Variants in ITGAM observed in about 807,000 individuals in gnomAD.
ITGAM encodes integrin alpha-M.
A neutral mutation model predicts 137.5 loss-of-function variants in ITGAM; 79 were observed. That is an observed-to-expected ratio of 0.57 (90% confidence interval 0.48 to 0.69). The LOEUF (loss-of-function observed/expected upper bound fraction) is 0.69. Ranked by LOEUF, ITGAM falls within the 30% of genes least tolerant of loss-of-function variation. The pLI, the probability that ITGAM is intolerant of heterozygous loss-of-function variation, is 0.00. For synonymous variants in ITGAM, 583 were observed against 592.3 expected (o/e 0.98, Z 0.23); for missense variants, 1,343 against 1,483.5 (o/e 0.91, Z 1.56).
At position 31,290,001 on chromosome 16, in the gene ITGAM, A is replaced by C. The variant is rs2080070479; in HGVS notation, c.1357-7513A>C. ...GAGGCTGAGGCAGGAGAATCGCTTGAATCTGGGAGGCAGAGGTTATGGTGA... is the reference window on the plus strand; with the variant it reads ...GAGGCTGAGGCAGGAGAATCGCTTGCATCTGGGAGGCAGAGGTTATGGTGA... On this transcript the variant is annotated intron_variant, in intron 12 of 29. Coordinates refer to ENST00000544665, the MANE Select transcript of ITGAM (RefSeq NM_000632.4). Among the ~76,000 whole-genome samples, 6 of 151,272 alleles carry C rather than the reference A, an allele frequency of 4.0e-5. 1 individual carries two copies. In the South Asian group the frequency reaches 1.3e-3, roughly 32 times the overall value.
At chr16:31,291,021 C>T (rs934456655) in intron 12 of ITGAM, among the ~76,000 whole-genome samples, 10 of 152,008 alleles carry the variant, frequency 6.6e-5, no homozygotes, top group South Asian at 2.1e-4. Flanking sequence ...GAATCATGTA[C>T]GGTAACTTTA....
In ITGAM at chr16:31,276,550, T is replaced by C. The variant is rs1383480107; in HGVS notation, c.1010-121T>C. On this transcript the variant is annotated intron_variant, in intron 9 of 29. Transcript: ENST00000544665. ...TTTCACCATGTTCACCAGACTGGTC[T>C]CTAACTCCTGACCTCAAGTGATCTG... The C allele has an allele frequency of 1.3e-5, 9 of 681,532 alleles. No homozygotes were observed. The East Asian group carries it at 2.5e-4, about 19-fold the overall frequency. 42.2% of individuals were successfully genotyped at this position (681,532 alleles called of 1,614,324 possible). A position where few individuals can be genotyped will look rare whatever the true frequency, so the allele number is the denominator to read the frequency against.
rs1471915972 is a variant in ITGAM, at chr16:31,324,116, AGAAGGGAAG to A, written c.2003-277_2003-269del. Among the ~76,000 whole-genome samples the A allele has an allele frequency of 6.6e-6, 1 of 150,880 alleles. No individual in the cohort carries two copies. Among genetic ancestry groups the A allele is most frequent in the African/African-American group, 2.4e-5 (1 of 41,030 alleles). On this transcript the variant is annotated intron_variant, in intron 16 of 29. Transcript: ENST00000544665. This position sits in a 1 kb window ranked among gnomAD's most constrained non-coding sequence, Gnocchi z 4.5. ...GGAAAGGAAGAAAAGGAAGGAAGGA[AGAAGGGAAG>A]GAAGGAAAGGAAGGAAAGTAGGAAA... is the stretch of plus-strand genomic sequence containing the variant.
At chr16:31,265,372 T>C (rs778643235) in intron 2 of ITGAM, 23 bp from the exon 3 acceptor site, 2 of 1,453,916 alleles carry the variant, frequency 1.4e-6, no homozygotes, top group East Asian at 2.5e-5. Context: ...CGAAGTTTTC[T>C]CTGTTCCCAC....
chr16:31,316,280 C>T (rs370608660), intron 14 of ITGAM, among the ~76,000 whole-genome samples: 116 of 143,390 alleles, frequency 8.1e-4, no homozygotes, highest in African/African-American at 2.9e-3. Flanking sequence ...TCCAGCTACT[C>T]GGGAGGCTGA....
intron 14 of ITGAM, among the ~76,000 whole-genome samples, chr16:31,314,277 T>C (rs997501702): frequency 1.3e-5 from 2 of 152,168 alleles, no homozygotes; most frequent in Non-Finnish European, 2.9e-5. Context: ...CAATTGCTTT[T>C]GGTGTTTTAG....
chr16:31,272,911 T>G (rs1013364948), intron 7 of ITGAM, among the ~76,000 whole-genome samples: 1 of 152,102 alleles, frequency 6.6e-6, no homozygotes, highest in South Asian at 2.1e-4. Context: ...CAGTTGCATC[T>G]CAGTGCTAAG....
intron 14 of ITGAM, among the ~76,000 whole-genome samples, chr16:31,309,580 C>T (rs9928397): frequency 0.17 from 26,223 of 151,466 alleles, 2,807 homozygotes; most frequent in African/African-American, 0.3. Context: ...GAATACAGCA[C>T]ACTGATGGGT....
Position 31,324,914 on chromosome 16 carries a change from GTTA to G in ITGAM, c.2290-41_2290-39del. 1.9e-6 allele frequency: 3 copies of G among 1,563,376 alleles called. No individual in the cohort carries two copies. Among genetic ancestry groups the G allele is most frequent in the Non-Finnish European group, 1.7e-6 (2 of 1,149,758 alleles). ...TTATTGTTTAATTTCACAATACTTG[GTTA>G]TTTTCTTTCCTTTCATTTGATCATA... On this transcript the variant is annotated intron_variant, in intron 18 of 29. Coordinates refer to ENST00000544665, the MANE Select transcript of ITGAM (RefSeq NM_000632.4). This position sits in a 1 kb window ranked among gnomAD's most constrained non-coding sequence, Gnocchi z 4.5.
intron 11 of ITGAM, 84 bp from the exon 12 acceptor site, chr16:31,277,883 C>G: frequency 7.1e-7 from 1 of 1,417,272 alleles, no homozygotes; most frequent in East Asian, 2.5e-5. Flanking sequence ...TGGGGCTGCC[C>G]CAGTGCCCCT....
intron 14 of ITGAM, among the ~76,000 whole-genome samples, chr16:31,311,077 C>T (rs1224093356): frequency 6.6e-6 from 1 of 152,010 alleles, no homozygotes; most frequent in African/African-American, 2.4e-5. Context: ...AACTGGCTGG[C>T]CATATGTAGA....
At chr16:31,272,422 A>AATATATATATATATATATAT (rs2079850545) in intron 7 of ITGAM, among the ~76,000 whole-genome samples, 1 of 48,976 alleles carries the variant, frequency 2.0e-5, no homozygotes, top group Non-Finnish European at 3.8e-5. Context: ...AGGCCAATTA[A>AATATATATATATATATATAT]CTATATATAT....
intron 14 of ITGAM, among the ~76,000 whole-genome samples, chr16:31,311,096 A>G (rs1405952067): frequency 1.3e-5 from 2 of 152,196 alleles, no homozygotes; most frequent in African/African-American, 4.8e-5. Flanking sequence ...GAAAGCTGAA[A>G]CTGGATCCCT....
rs376380215 is a variant in ITGAM, at chr16:31,329,856, G to T, written c.2927G>T (p.Arg976Leu). Residue 976 changes from arginine (R) to leucine (L), a missense_variant, in exon 25 of 30, where the codon CGG becomes CTG. Coordinates refer to ENST00000544665, the MANE Select transcript of ITGAM (RefSeq NM_000632.4). ...AGCCTGGTGTTCTTGGTGCCCGTCCGGCTGAACCAGACTGTCATATGGGAC... is the reference window on the plus strand; with the variant it reads ...AGCCTGGTGTTCTTGGTGCCCGTCCTGCTGAACCAGACTGTCATATGGGAC... ...PISLVFLVPV[R>L]LNQTVIWDRP... 39 of 1,564,672 alleles carry T rather than the reference G, an allele frequency of 2.5e-5. No homozygotes were observed. The African/African-American group carries it at 5.3e-4, about 21-fold the overall frequency.
intron 29 of ITGAM, 81 bp downstream of exon 29, chr16:31,331,356 G>A (rs1297497601): frequency 1.2e-6 from 1 of 851,104 alleles, no homozygotes; most frequent in Admixed American, 2.0e-5. Context: ...TTTCCCCGGC[G>A]GGGCTGCCAG....
rs1330281419 is a variant in ITGAM at position 31,277,032 on chromosome 16, T to C, written c.1196T>C (p.Met399Thr). The stretch of plus-strand genomic sequence containing the variant: ...AACATGACCAGAGTGGATTCAGACA[T>C]GAATGATGCTTACTTGGGTAAGTGG... ...FINMTRVDSD[M>T]NDAYLGYAAA... The change falls in exon 11 of 30, where the codon ATG (methionine) becomes ACG (threonine). Residue 399 changes from methionine (M) to threonine (T), a missense_variant. Physicochemically the swap from Met to Thr is moderately conservative, Grantham distance 81. Coordinates refer to ENST00000544665, the MANE Select transcript of ITGAM (RefSeq NM_000632.4). 6.2e-7 allele frequency: 1 copy of C among 1,611,668 alleles called. No homozygotes were observed. The highest frequency in any genetic ancestry group is 2.2e-5 in the East Asian group (1 of 44,858).
chr16:31,311,446 C>G (rs1268558185), intron 14 of ITGAM, among the ~76,000 whole-genome samples: 1 of 152,084 alleles, frequency 6.6e-6, no homozygotes, highest in African/African-American at 2.4e-5. Flanking sequence ...AAGAAAAAAA[C>G]AAACAACCCC....
At chr16:31,315,714 C>G (rs2080384250) in intron 14 of ITGAM, among the ~76,000 whole-genome samples, 1 of 152,012 alleles carries the variant, frequency 6.6e-6, no homozygotes, top group South Asian at 2.1e-4. Flanking sequence ...CCGCCTCAGT[C>G]TCCTAAAGTG....
In ITGAM at chr16:31,324,597, A is replaced by G; in HGVS notation, c.2157+44A>G. ...AGACCCCTGGGTCTTCCAAGCATGG[A>G]GTGGGCTTGGGGAGCTGAGGAGGGC... On this transcript the variant is annotated intron_variant, in intron 17 of 29. Coordinates refer to ENST00000544665, the MANE Select transcript of ITGAM (RefSeq NM_000632.4). The surrounding 1 kb of genome is among the most constrained non-coding windows in gnomAD (Gnocchi z 4.5). The G allele has an allele frequency of 2.5e-6, 4 of 1,610,820 alleles. No homozygotes were observed. Among genetic ancestry groups the G allele is most frequent in the Non-Finnish European group, 2.5e-6 (3 of 1,178,402 alleles).
Sources: gnomAD v4.1 joint callset for allele counts (sites outside exome capture counted in the v4.1 genomes callset) on GRCh38, gnomAD v4.1.1 for gene constraint, Gnocchi (gnomAD v3.1) non-coding constraint, MANE v1.5 for transcripts, NCBI Gene and HGNC (gene_info 2026-07-23, HGNC 2026-07-21) for gene names.